Variants in B4GALT4 observed in about 807,000 individuals in gnomAD.
B4GALT4 encodes beta-1,4-galactosyltransferase 4.
A neutral mutation model predicts 37.3 loss-of-function variants in B4GALT4; 27 were observed. The observed-to-expected ratio is 0.72, with a 90% CI of 0.53 to 1.00. The LOEUF (loss-of-function observed/expected upper bound fraction) is 1.00, where lower values mean the gene tolerates loss of function less well. B4GALT4 is among the 50% of genes least tolerant of loss of function. The probability of loss-of-function intolerance (pLI) is 0.00; values close to 1 mark genes in which losing one functional copy is unlikely to be tolerated. For missense variants in B4GALT4, 372 were observed against 413.1 expected (o/e 0.90, Z 0.86); for synonymous variants, 148 against 154.1 (o/e 0.96, Z 0.29).
intron 1 of B4GALT4, among the ~76,000 whole-genome samples, chr3:119,239,586 T>C (rs1013469351): frequency 1.3e-5 from 2 of 152,214 alleles, no homozygotes; most frequent in Non-Finnish European, 2.9e-5. Flanking sequence ...TTATATTAAG[T>C]GGCATATAAA....
At chr3:119,218,075 C>A (rs778613581) in intron 6 of B4GALT4, among the ~76,000 whole-genome samples, 12 of 152,118 alleles carry the variant, frequency 7.9e-5, no homozygotes, top group Non-Finnish European at 2.9e-5. Flanking sequence ...TCCCTTTGAG[C>A]CCCTCAGAGC....
intron 7 of B4GALT4, 57 bp downstream of exon 7, chr3:119,216,183 T>G: frequency 7.3e-7 from 1 of 1,366,442 alleles, no homozygotes; most frequent in Non-Finnish European, 1.0e-6. Context: ...AACATAGTCC[T>G]TATTGACAGA....
rs12493956 is a variant in B4GALT4, at chr3:119,211,980, G to A, written c.*569C>T. ...CTCAGCTACTGCTGCCTTTGCAGCC[G>A]ACACTCCACCCTCCTGCTACCTCTT... On this transcript the variant is annotated 3_prime_UTR_variant, in exon 8 of 8. Transcript: ENST00000393765. 25,449 of 569,914 alleles carry A rather than the reference G, an allele frequency of 0.045. 1,048 individuals are homozygous for A. Among genetic ancestry groups the A allele is most frequent in the Admixed American group, 0.18 (6,006 of 33,384 alleles). 35.3% of individuals were successfully genotyped at this position (569,914 alleles called of 1,614,324 possible). A position where few individuals can be genotyped will look rare whatever the true frequency, so the allele number is the denominator to read the frequency against.
chr3:119,240,317 C>G (rs2079115269), intron 1 of B4GALT4: 1 of 152,324 alleles, frequency 6.6e-6, no homozygotes, highest in Admixed American at 6.5e-5. Flanking sequence ...TCAACAAACA[C>G]TGGATGGCTG....
rs1399516550 is a variant in B4GALT4, at chr3:119,240,836, G to A, written c.-364+14C>T. ...ACTGCATTTCCCGGGCGCCGGCGGA[G>A]CCAGCGTACTCACCCCGGAGGCGGC... On this transcript the variant is annotated intron_variant, in intron 1 of 7. Transcript: ENST00000393765. The A allele has an allele frequency of 3.3e-5, 5 of 152,330 alleles. No individual in the cohort carries two copies. The allele number at this position is 152,330 out of a possible 1,614,324, so 9.4% of individuals were successfully genotyped here. A position where few individuals can be genotyped will look rare whatever the true frequency, so the allele number is the denominator to read the frequency against.
intron 7 of B4GALT4, chr3:119,213,564 A>G (rs567285362): frequency 2.0e-4 from 30 of 152,380 alleles, no homozygotes; most frequent in African/African-American, 6.5e-4. Flanking sequence ...GAAAACCAAG[A>G]AACAGCAGAA....
At chr3:119,219,979 A>G (rs2078402042) in intron 5 of B4GALT4, among the ~76,000 whole-genome samples, 2 of 152,238 alleles carry the variant, frequency 1.3e-5, no homozygotes, top group Admixed American at 1.3e-4. Flanking sequence ...AAAAACCAAA[A>G]GGAGTGATCA....
chr3:119,220,083 G>A (rs1178149919), intron 5 of B4GALT4, among the ~76,000 whole-genome samples: 3 of 152,068 alleles, frequency 2.0e-5, no homozygotes, highest in Non-Finnish European at 4.4e-5. Context: ...AAAAGACTGG[G>A]GACTCTGTTT....
At chr3:119,236,291 G>C (rs759882647) in intron 2 of B4GALT4, 1 of 127,906 alleles carries the variant, frequency 7.8e-6, no homozygotes, top group Non-Finnish European at 1.6e-5. Context: ...CAGGATCCTT[G>C]ATAAAATACA....
At chr3:119,214,937 T>C (rs1197612947) in intron 7 of B4GALT4, 2 of 152,160 alleles carry the variant, frequency 1.3e-5, no homozygotes, top group African/African-American at 4.8e-5. Flanking sequence ...CATCACAAAA[T>C]GACACAACCA....
chr3:119,217,319 C>T (rs937560841), intron 6 of B4GALT4, among the ~76,000 whole-genome samples: 1 of 152,222 alleles, frequency 6.6e-6, no homozygotes, highest in African/African-American at 2.4e-5. Flanking sequence ...GCCATGACCA[C>T]ATAGGCTGCT....
chr3:119,239,279 T>C (rs1270994885), intron 1 of B4GALT4, among the ~76,000 whole-genome samples: 2 of 149,790 alleles, frequency 1.3e-5, no homozygotes, highest in African/African-American at 2.5e-5. Flanking sequence ...TGAGCCAAGA[T>C]TGTGCCACTG....
At chr3:119,212,813 A>G in intron 7 of B4GALT4, 132 bp from the exon 8 acceptor site, 1 of 932,190 alleles carries the variant, frequency 1.1e-6, no homozygotes, top group Non-Finnish European at 1.5e-6. Flanking sequence ...ACCATTACAA[A>G]GTTTGTTTGC....
intron 2 of B4GALT4, among the ~76,000 whole-genome samples, chr3:119,230,880 AGT>A (rs2078791546): frequency 6.6e-6 from 1 of 152,234 alleles, no homozygotes; most frequent in South Asian, 2.1e-4. Context: ...ACTACAGCAC[AGT>A]GTTTAAGATC....
At chr3:119,230,686 G>T (rs1451740087) in intron 2 of B4GALT4, among the ~76,000 whole-genome samples, 1 of 152,172 alleles carries the variant, frequency 6.6e-6, no homozygotes, top group Non-Finnish European at 1.5e-5. Context: ...AGGGAAAAGG[G>T]AAAAGTTCTT....
chr3:119,239,382 C>G (rs927399246), intron 1 of B4GALT4, among the ~76,000 whole-genome samples: 3 of 151,198 alleles, frequency 2.0e-5, no homozygotes, highest in African/African-American at 4.9e-5. Flanking sequence ...CTGAGTCACA[C>G]AGCCAGGTTT....
intron 2 of B4GALT4, chr3:119,235,377 G>A (rs2078954488): frequency 6.6e-6 from 1 of 152,178 alleles, no homozygotes; most frequent in Non-Finnish European, 1.5e-5. Flanking sequence ...AGGAGAAAGG[G>A]TGTGTTCATT....
At chr3:119,236,784 A>G (rs1268702579) in intron 2 of B4GALT4, 69 bp downstream of exon 2, 1 of 152,262 alleles carries the variant, frequency 6.6e-6, no homozygotes, top group African/African-American at 2.4e-5. Flanking sequence ...AAAATTAAAA[A>G]GGCTCACCCC....
chr3:119,220,103 G>C (rs2078406121), intron 5 of B4GALT4, among the ~76,000 whole-genome samples: 1 of 152,166 alleles, frequency 6.6e-6, no homozygotes, highest in South Asian at 2.1e-4. Context: ...TAACCCATAA[G>C]AGAAGCAGAT....
Sources: gnomAD v4.1 joint callset for allele counts (sites outside exome capture counted in the v4.1 genomes callset) on GRCh38, gnomAD v4.1.1 for gene constraint, MANE v1.5 for transcripts, NCBI Gene and HGNC (gene_info 2026-07-23, HGNC 2026-07-21) for gene names.